RBFOX3: variants seen among roughly 807,000 people sequenced by gnomAD.
RBFOX3 encodes RNA binding protein fox-1 homolog 3.
In RBFOX3, 17 loss-of-function variants were observed where a neutral mutation model predicts 48.7. The ratio of observed to expected loss-of-function variants is 0.35; its 90% CI spans 0.24 to 0.52. RBFOX3 has a LOEUF of 0.52. RBFOX3 is among the 20% of genes least tolerant of loss of function. RBFOX3 has a pLI of 0.94. For missense variants in RBFOX3, 382 were observed against 497.5 expected (o/e 0.77, Z 2.21); for synonymous variants, 212 against 209.5 (o/e 1.01, Z -0.10).
At chr17:79,173,114 G>A (rs571247235) in intron 4 of RBFOX3, among the ~76,000 whole-genome samples, 56 of 152,110 alleles carry the variant, frequency 3.7e-4, no homozygotes, top group African/African-American at 1.3e-3. Flanking sequence ...GGAGGCTGAG[G>A]CACGAGAATC....
intron 4 of RBFOX3, among the ~76,000 whole-genome samples, chr17:79,149,732 G>A (rs2043898950): frequency 6.6e-6 from 1 of 151,714 alleles, no homozygotes; most frequent in Non-Finnish European, 1.5e-5. Context: ...GGGATGTCGA[G>A]TGGGGTCAGT....
rs2086387144 is a variant in RBFOX3, at chr17:79,361,686, C to T, written c.-174-53862G>A. Among the ~76,000 whole-genome samples, 3 of 152,242 alleles carry T rather than the reference C, an allele frequency of 2.0e-5. No homozygotes were observed. Among genetic ancestry groups the T allele is most frequent in the Admixed American group, 2.0e-4 (3 of 15,288 alleles). ...TCAAACAGCATTTCACTCCATCATT[C>T]ATTTCTTGGTCTTTGGGCCAAGGTC... On this transcript the variant is annotated intron_variant, in intron 2 of 14. Coordinates refer to ENST00000693108, the MANE Select transcript of RBFOX3 (RefSeq NM_001350451.2). The surrounding 1 kb of genome is among the most constrained non-coding windows in gnomAD (Gnocchi z 4.5).
At chr17:79,572,899 CA>C (rs2092729048) in intron 1 of RBFOX3, among the ~76,000 whole-genome samples, 1 of 151,830 alleles carries the variant, frequency 6.6e-6, no homozygotes, top group Non-Finnish European at 1.5e-5. Context: ...GCAGGCTTGC[CA>C]AATTTGGCAG....
At chr17:79,100,729 C>T (rs1026762339) in intron 9 of RBFOX3, among the ~76,000 whole-genome samples, 4 of 152,222 alleles carry the variant, frequency 2.6e-5, no homozygotes, top group African/African-American at 7.2e-5. Flanking sequence ...TGAGCGGAGG[C>T]CCCCAACGTA....
At chr17:79,094,900 A>C (rs917363314) in intron 13 of RBFOX3, among the ~76,000 whole-genome samples, 2 of 152,116 alleles carry the variant, frequency 1.3e-5, no homozygotes, top group African/African-American at 4.8e-5. Flanking sequence ...GGAGGGTTTC[A>C]AGAGAAGAGA....
chr17:79,349,777 G>A (rs759711602), intron 2 of RBFOX3, among the ~76,000 whole-genome samples: 27 of 152,080 alleles, frequency 1.8e-4, no homozygotes, highest in South Asian at 1.0e-3. Flanking sequence ...GATGCCATCA[G>A]TGGTGGATCC....
Position 79,477,006 on chromosome 17 carries a change from G to A in RBFOX3, c.-175+5448C>T, listed in dbSNP as rs900661217. ...CCAGCACTTTGGGAGGCCTAGGTGGGTGGATCACTTGAGGTCAGGAGTTCG... is the reference window on the plus strand; with the variant it reads ...CCAGCACTTTGGGAGGCCTAGGTGGATGGATCACTTGAGGTCAGGAGTTCG... On this transcript the variant is annotated intron_variant, in intron 2 of 14. Transcript: ENST00000693108. The surrounding 1 kb of genome is among the most constrained non-coding windows in gnomAD (Gnocchi z 4.8). Among the ~76,000 whole-genome samples the A allele has an allele frequency of 1.3e-5, 2 of 152,216 alleles. No homozygotes were observed. Among genetic ancestry groups the A allele is most frequent in the South Asian group, 2.1e-4 (1 of 4,812 alleles).
chr17:79,144,054 G>T (rs1212121699), intron 4 of RBFOX3, among the ~76,000 whole-genome samples: 1 of 152,252 alleles, frequency 6.6e-6, no homozygotes, highest in Non-Finnish European at 1.5e-5. Context: ...CTCCAGAGGA[G>T]GACACATCTA....
intron 2 of RBFOX3, among the ~76,000 whole-genome samples, chr17:79,404,002 T>C (rs2063194786): frequency 6.6e-6 from 1 of 152,074 alleles, no homozygotes; most frequent in Non-Finnish European, 1.5e-5. Flanking sequence ...ATGGTCTTGA[T>C]CTCCTGACCT....
chr17:79,658,618 C>G, the RBFOX3 span, among the ~76,000 whole-genome samples: 8 of 152,000 alleles, frequency 5.3e-5, no homozygotes, highest in African/African-American at 1.7e-4. Flanking sequence ...GTGAAGCTGT[C>G]GCTTGTGCAG....
At chr17:79,653,950 C>T in the RBFOX3 span, among the ~76,000 whole-genome samples, 2 of 151,448 alleles carry the variant, frequency 1.3e-5, no homozygotes, top group African/African-American at 2.4e-5. Flanking sequence ...GTTAGGGCAC[C>T]TGTACTGGAA....
At chr17:79,579,825 G>C (rs2092992410) in intron 1 of RBFOX3, among the ~76,000 whole-genome samples, 1 of 142,494 alleles carries the variant, frequency 7.0e-6, no homozygotes, top group Non-Finnish European at 1.5e-5. Flanking sequence ...CTGGCGCTGT[G>C]GTGGGGAGTC....
chr17:79,349,645 G>A (rs1405013447), intron 2 of RBFOX3, among the ~76,000 whole-genome samples: 1 of 152,114 alleles, frequency 6.6e-6, no homozygotes, highest in East Asian at 1.9e-4. Context: ...ACCAGGCCCG[G>A]CAATGCCTGA....
chr17:79,420,286 T>G (rs184582498), intron 2 of RBFOX3, among the ~76,000 whole-genome samples: 1 of 152,312 alleles, frequency 6.6e-6, no homozygotes, highest in Admixed American at 6.5e-5. Context: ...AATGGAAAGT[T>G]TCTGAGTGCA....
chr17:79,578,571 G>T, intron 1 of RBFOX3, among the ~76,000 whole-genome samples: 1 of 152,306 alleles, frequency 6.6e-6, no homozygotes, highest in East Asian at 1.9e-4. Context: ...CCTGAGACCC[G>T]CTCCGGGCCA....
intron 2 of RBFOX3, among the ~76,000 whole-genome samples, chr17:79,446,028 G>C (rs2072209484): frequency 6.6e-6 from 1 of 152,192 alleles, no homozygotes; most frequent in South Asian, 2.1e-4. Flanking sequence ...TACAATGCAA[G>C]GAACGGCCTC....
intron 1 of RBFOX3, among the ~76,000 whole-genome samples, chr17:79,487,179 G>A (rs2079736965): frequency 1.3e-5 from 2 of 152,162 alleles, no homozygotes; most frequent in African/African-American, 2.4e-5. Context: ...CAGAGGTGTG[G>A]GTGAGGCACA....
At chr17:79,442,237 GAGAGA>G (rs1568257913) in intron 2 of RBFOX3, among the ~76,000 whole-genome samples, 208 of 7,348 alleles carry the variant, frequency 0.028, 26 homozygotes, top group African/African-American at 0.07. Flanking sequence ...GAGAGAGAGA[GAGAGA>G]GAGAGAGAGA....
chr17:79,179,620 G>A (rs1364384125), intron 4 of RBFOX3, among the ~76,000 whole-genome samples: 1 of 151,692 alleles, frequency 6.6e-6, no homozygotes, highest in Non-Finnish European at 1.5e-5. Context: ...GATGGAATAA[G>A]ATTCTCTTTT....
Sources: gnomAD v4.1 joint callset for allele counts (sites outside exome capture counted in the v4.1 genomes callset) on GRCh38, gnomAD v4.1.1 for gene constraint, Gnocchi (gnomAD v3.1) non-coding constraint, MANE v1.5 for transcripts, NCBI Gene and HGNC (gene_info 2026-07-23, HGNC 2026-07-21) for gene names.